The following USP43 variants were observed in gnomAD, a reference collection of about 807,000 sequenced individuals.
USP43 encodes the protein ubiquitin specific peptidase 43.
In USP43, 33 loss-of-function variants were observed where a neutral mutation model predicts 90.7. That is an observed-to-expected ratio of 0.36 (90% CI 0.28 to 0.49). USP43 has a LOEUF of 0.49. Among genes scored for constraint, USP43 ranks in the 20% least tolerant of loss-of-function variants. USP43 has a pLI of 0.98. For missense variants in USP43, 1,274 were observed against 1,476.4 expected (o/e 0.86, Z 2.25); for synonymous variants, 598 against 615.8 (o/e 0.97, Z 0.43).
intron 14 of USP43, among the ~76,000 whole-genome samples, chr17:9,715,186 G>A (rs1415800647): frequency 7.9e-5 from 12 of 152,184 alleles, no homozygotes; most frequent in African/African-American, 1.4e-4. Flanking sequence ...AAGGCTGAGC[G>A]TTGTCAGATC....
Position 9,686,161 on chromosome 17 carries a change from G to A in USP43, c.1242-637G>A, listed in dbSNP as rs1482333149. Among the ~76,000 whole-genome samples, 1 of 152,148 alleles carries A rather than the reference G, an allele frequency of 6.6e-6. No individual in the cohort carries two copies. The highest frequency in any genetic ancestry group is 2.4e-5 in the African/African-American group (1 of 41,424). ...TTCATTTCTTTTTTATGGGTGCATA[G>A]TATTCCGTTGTGTATATAGACCACA... On this transcript the variant is annotated intron_variant, in intron 7 of 14. Coordinates refer to ENST00000285199, the MANE Select transcript of USP43 (RefSeq NM_153210.5). This position sits in a 1 kb window ranked among gnomAD's most constrained non-coding sequence, Gnocchi z 5.5.
At position 9,645,727 on chromosome 17, in the gene USP43, T is replaced by A; in HGVS notation, c.95T>A (p.Leu32Gln). The A allele has an allele frequency of 1.5e-6, 2 of 1,364,802 alleles. No individual in the cohort carries two copies. The highest frequency in any genetic ancestry group is 1.9e-6 in the Non-Finnish European group (2 of 1,064,772). 84.5% of individuals were successfully genotyped at this position (1,364,802 alleles called of 1,614,324 possible). ...CTGCGCCGCCTGTTCAGCCGCTTCC[T>A]GCTGGCGCTGGGCAGCCGCTCACGC... is the stretch of plus-strand genomic sequence containing the variant. ...RSLRRLFSRF[L>Q]LALGSRSRPG... Residue 32 changes from leucine (L) to glutamine (Q), a missense_variant, in exon 1 of 15, where the codon CTG (leucine) becomes CAG (glutamine). This residue lies in a region of USP43 where 112 missense variants were observed against 106.6 expected (regional missense o/e 1.05). Transcript: ENST00000285199. The surrounding 1 kb of genome is among the most constrained non-coding windows in gnomAD (Gnocchi z 6.8).
At chr17:9,687,914 C>T (rs906077709) in intron 8 of USP43, among the ~76,000 whole-genome samples, 6 of 152,190 alleles carry the variant, frequency 3.9e-5, no homozygotes, top group Non-Finnish European at 7.3e-5. Flanking sequence ...TCAGTCTATC[C>T]GGTGAGAGTT....
chr17:9,721,146 TA>T (rs151278734), intron 14 of USP43, among the ~76,000 whole-genome samples: 1 of 151,160 alleles, frequency 6.6e-6, no homozygotes, highest in East Asian at 1.9e-4. Context: ...CATGACCATG[TA>T]AAAAAAAATG....
At position 9,686,857 on chromosome 17, in the gene USP43, A is replaced by T. The variant is rs1255512948; in HGVS notation, c.1301A>T (p.Gln434Leu). ...DRAVSWAQLQ[Q>L]SILSKVRHLM... Reference sequence around the variant, plus strand: ...GCTGTTTCCTGGGCCCAGCTCCAGCAGTCTATCCTCAGCAAGGTCCGCCAT... The same window carrying T: ...GCTGTTTCCTGGGCCCAGCTCCAGCTGTCTATCCTCAGCAAGGTCCGCCAT... The change falls in exon 8 of 15, where the codon CAG (glutamine) becomes CTG (leucine). Residue 434 changes from glutamine to leucine, a missense_variant. By Grantham distance (113) the Gln-to-Leu change is moderately radical. Transcript: ENST00000285199. This position sits in a 1 kb window ranked among gnomAD's most constrained non-coding sequence, Gnocchi z 5.5. 3 of 1,613,794 alleles carry T rather than the reference A, an allele frequency of 1.9e-6. No individual in the cohort carries two copies.
At chr17:9,721,124 T>C (rs1422930832) in intron 14 of USP43, among the ~76,000 whole-genome samples, 1 of 152,102 alleles carries the variant, frequency 6.6e-6, no homozygotes, top group Non-Finnish European at 1.5e-5. Flanking sequence ...ACTTTTGCAA[T>C]TTTTATACAA....
intron 3 of USP43, among the ~76,000 whole-genome samples, chr17:9,670,425 G>C (rs1199097030): frequency 6.6e-6 from 1 of 152,194 alleles, no homozygotes; most frequent in East Asian, 1.9e-4. Context: ...CAGTGGGAGA[G>C]CAATGGTGGT....
chr17:9,708,954 T>C (rs1597879113), intron 12 of USP43, among the ~76,000 whole-genome samples: 2 of 152,134 alleles, frequency 1.3e-5, no homozygotes, highest in South Asian at 4.1e-4. Context: ...TTATTAATAA[T>C]CTATGGGTTA....
At chr17:9,673,369 C>G (rs920540993) in intron 3 of USP43, among the ~76,000 whole-genome samples, 1 of 151,970 alleles carries the variant, frequency 6.6e-6, no homozygotes, top group Non-Finnish European at 1.5e-5. Flanking sequence ...ATTAGCCGGG[C>G]GTGGTGGCAG....
At chr17:9,680,985 C>T (rs966305858) in intron 6 of USP43, among the ~76,000 whole-genome samples, 2 of 139,134 alleles carry the variant, frequency 1.4e-5, no homozygotes, top group Admixed American at 1.6e-4. Flanking sequence ...GAAGAAGACC[C>T]ATATATATAT....
chr17:9,665,765 TG>T (rs1304937905), intron 2 of USP43, among the ~76,000 whole-genome samples: 1 of 152,100 alleles, frequency 6.6e-6, no homozygotes, highest in African/African-American at 2.4e-5. Context: ...AAAGAGAAGC[TG>T]GGGGAAATTT....
intron 2 of USP43, among the ~76,000 whole-genome samples, chr17:9,664,787 G>A (rs1337084365): frequency 2.6e-5 from 4 of 152,100 alleles, no homozygotes; most frequent in East Asian, 3.9e-4. Context: ...ACAGGTGCCC[G>A]CCACCACGCC....
At position 9,686,993 on chromosome 17, in the gene USP43, G is replaced by A. The variant is rs926004212; in HGVS notation, c.1353+84G>A. On this transcript the variant is annotated intron_variant, in intron 8 of 14. Transcript: ENST00000285199. This position sits in a 1 kb window ranked among gnomAD's most constrained non-coding sequence, Gnocchi z 5.5. ...TGTGGGTGTGTGTATTGGGAGGGGT[G>A]GAATTTAGTGTAGCCCAGGAGAGGA... is the stretch of plus-strand genomic sequence containing the variant. 127 of 1,239,496 alleles carry A rather than the reference G, an allele frequency of 1.0e-4. 1 individual carries two copies. Among genetic ancestry groups the A allele is most frequent in the Non-Finnish European group, 1.3e-4 (110 of 874,034 alleles). The allele number at this position is 1,239,496 out of a possible 1,614,324, so 76.8% of individuals were successfully genotyped here.
At chr17:9,725,528 C>T (rs1917218853) in intron 14 of USP43, among the ~76,000 whole-genome samples, 1 of 152,140 alleles carries the variant, frequency 6.6e-6, no homozygotes, top group Non-Finnish European at 1.5e-5. Flanking sequence ...TGTTCTTATG[C>T]TGCTTATTTC....
At chr17:9,711,458 C>T (rs544203952) in intron 13 of USP43, among the ~76,000 whole-genome samples, 7 of 152,242 alleles carry the variant, frequency 4.6e-5, no homozygotes, top group African/African-American at 1.4e-4. Context: ...GACGGAGTTT[C>T]GCTCTTGTTG....
intron 6 of USP43, among the ~76,000 whole-genome samples, chr17:9,681,139 T>TATATACTATATAATATATACTATATA (rs1914163200): frequency 1.0e-5 from 1 of 96,444 alleles, no homozygotes; most frequent in African/African-American, 8.1e-5. Flanking sequence ...TACTATATAA[T>TATATACTATATAATATATACTATATA]ATATACTATA....
chr17:9,668,615 G>A (rs1286174974), intron 3 of USP43, among the ~76,000 whole-genome samples: 1 of 152,188 alleles, frequency 6.6e-6, no homozygotes, highest in Non-Finnish European at 1.5e-5. Context: ...CGGGATGACT[G>A]CGGGCTCTTC....
At chr17:9,647,951 G>A (rs1342191043) in intron 1 of USP43, among the ~76,000 whole-genome samples, 1 of 152,184 alleles carries the variant, frequency 6.6e-6, no homozygotes, top group Non-Finnish European at 1.5e-5. Context: ...AACCTGGGAG[G>A]CGGAGCTTGC....
chr17:9,646,564 T>A (rs1451117275), intron 1 of USP43, among the ~76,000 whole-genome samples: 3 of 152,046 alleles, frequency 2.0e-5, no homozygotes, highest in Non-Finnish European at 2.9e-5. Context: ...ATGAGAAGGA[T>A]GCAGTCAGGG....
Sources: gnomAD v4.1 joint callset for allele counts (sites outside exome capture counted in the v4.1 genomes callset) on GRCh38, gnomAD v4.1.1 for gene constraint, gnomAD v4.1.1 regional missense constraint, Gnocchi (gnomAD v3.1) non-coding constraint, MANE v1.5 for transcripts, NCBI Gene and HGNC (gene_info 2026-07-23, HGNC 2026-07-21) for gene names.